Variants in THADA observed in about 807,000 individuals in gnomAD.
The protein encoded by THADA is tRNA (32-2'-O)-methyltransferase regulator THADA.
In THADA, 213 loss-of-function variants were observed where a neutral mutation model predicts 219.8. The observed-to-expected ratio is 0.97, with a 90% CI of 0.87 to 1.09. The LOEUF is 1.09. Among genes scored for constraint, THADA ranks in the 50% least tolerant of loss-of-function variants. The pLI is 0.00. For missense variants in THADA, 2,956 were observed against 2,311.3 expected (o/e 1.28, Z -5.72); for synonymous variants, 1,018 against 828.9 (o/e 1.23, Z -3.92).
At chr2:43,435,008 G>A (rs1459852094) in intron 26 of THADA, among the ~76,000 whole-genome samples, 1 of 152,200 alleles carries the variant, frequency 6.6e-6, no homozygotes, top group Non-Finnish European at 1.5e-5. Context: ...ACAGGTTTGA[G>A]CAGCTGGGCG....
At chr2:43,477,473 G>A (rs571881179) in intron 26 of THADA, among the ~76,000 whole-genome samples, 2 of 152,178 alleles carry the variant, frequency 1.3e-5, no homozygotes, top group East Asian at 1.9e-4. Context: ...ACTAGTATTC[G>A]TTAAAACATA....
At chr2:43,453,888 T>C (rs562731853) in intron 26 of THADA, among the ~76,000 whole-genome samples, 272 of 152,322 alleles carry the variant, frequency 1.8e-3, no homozygotes, top group African/African-American at 6.4e-3. Flanking sequence ...CAACATAGCA[T>C]GCACTTTCTA....
intron 10 of THADA, among the ~76,000 whole-genome samples, 196 bp downstream of exon 10, chr2:43,576,826 T>TA (rs1293494347): frequency 1.3e-5 from 2 of 152,134 alleles, no homozygotes; most frequent in African/African-American, 2.4e-5. Context: ...AGCTAAGTTT[T>TA]AAAAGTTTTG....
rs990800191 is a variant in THADA at position 43,295,975 on chromosome 2, A to G, written c.4439-2762T>C. ...CGCTCTGTCGCCCAGGCAGGAGTGC[A>G]GTGGTGCGATCTCGGCTCACTGCAA... On this transcript the variant is annotated intron_variant, in intron 31 of 37. Coordinates refer to ENST00000405975, the MANE Select transcript of THADA (RefSeq NM_022065.5). Among the ~76,000 whole-genome samples the G allele has an allele frequency of 2.8e-5, 4 of 144,842 alleles. No homozygotes were observed. In the East Asian group the frequency reaches 6.0e-4, roughly 22 times the overall value.
chr2:43,481,422 C>T (rs1423884431), intron 26 of THADA, among the ~76,000 whole-genome samples: 1 of 152,096 alleles, frequency 6.6e-6, no homozygotes, highest in Non-Finnish European at 1.5e-5. Context: ...AGAGATTGTA[C>T]TTAACACAGT....
intron 36 of THADA, among the ~76,000 whole-genome samples, chr2:43,273,064 CAT>C (rs1272766840): frequency 6.6e-6 from 1 of 151,980 alleles, no homozygotes; most frequent in Non-Finnish European, 1.5e-5. Flanking sequence ...GCCTGGGCAA[CAT>C]GTAGTAGCCC....
At chr2:43,346,329 G>C (rs1667622068) in intron 29 of THADA, among the ~76,000 whole-genome samples, 1 of 152,146 alleles carries the variant, frequency 6.6e-6, no homozygotes, top group East Asian at 1.9e-4. Context: ...AGAAAAATGA[G>C]ACCATCCTTT....
intron 30 of THADA, among the ~76,000 whole-genome samples, chr2:43,337,554 C>T (rs778218151): frequency 5.3e-5 from 8 of 152,286 alleles, no homozygotes; most frequent in African/African-American, 7.2e-5. Context: ...AGGTCTCTCA[C>T]GCACTGTTGG....
intron 25 of THADA, among the ~76,000 whole-genome samples, chr2:43,494,844 G>A (rs145321583): frequency 3.7e-4 from 57 of 152,258 alleles, no homozygotes; most frequent in African/African-American, 1.3e-3. Context: ...AAGTTTGAGA[G>A]ATCTGTATGG....
At chr2:43,409,306 T>G (rs2104754279) in intron 28 of THADA, among the ~76,000 whole-genome samples, 1 of 152,040 alleles carries the variant, frequency 6.6e-6, no homozygotes, top group South Asian at 2.1e-4. Flanking sequence ...AATGAATTTT[T>G]AAAAATAATA....
intron 29 of THADA, among the ~76,000 whole-genome samples, chr2:43,373,669 G>C (rs527949526): frequency 1.3e-5 from 2 of 152,200 alleles, no homozygotes; most frequent in Admixed American, 6.5e-5. Context: ...TAGAGATGGG[G>C]TTTCACCATG....
chr2:43,404,826 G>A (rs1675340092), intron 28 of THADA, among the ~76,000 whole-genome samples: 1 of 152,178 alleles, frequency 6.6e-6, no homozygotes, highest in African/African-American at 2.4e-5. Flanking sequence ...GTAAACCTAG[G>A]TTTGTACCTT....
intron 31 of THADA, among the ~76,000 whole-genome samples, chr2:43,303,405 A>G (rs2104413014): frequency 6.6e-6 from 1 of 152,276 alleles, no homozygotes; most frequent in Admixed American, 6.5e-5. Flanking sequence ...AGGATTTAAC[A>G]GTAGCACAGA....
chr2:43,414,352 G>A (rs561956646), intron 28 of THADA, among the ~76,000 whole-genome samples: 67 of 152,182 alleles, frequency 4.4e-4, no homozygotes, highest in Non-Finnish European at 7.8e-4. Flanking sequence ...GCCTTGATGC[G>A]TGGATATCTA....
At chr2:43,367,574 T>C (rs2104610723) in intron 29 of THADA, among the ~76,000 whole-genome samples, 1 of 152,326 alleles carries the variant, frequency 6.6e-6, no homozygotes, top group East Asian at 1.9e-4. Flanking sequence ...TTTTAATCCT[T>C]TATCAAAACA....
At chr2:43,343,423 G>A (rs569446372) in intron 30 of THADA, 7 of 152,250 alleles carry the variant, frequency 4.6e-5, no homozygotes, top group Admixed American at 3.9e-4. Context: ...CTACTCTGGT[G>A]GAACTTACAG....
Position 43,339,761 on chromosome 2 carries a change from A to G in THADA, c.4343+4361T>C, listed in dbSNP as rs926789596. On this transcript the variant is annotated intron_variant, in intron 30 of 37. Transcript: ENST00000405975. ...TAATTACAACTCTTAGCCAAAGTAA[A>G]TAAGCGATCTAGCTGGGACAGCTGA... 2.6e-5 allele frequency among the ~76,000 whole-genome samples: 4 copies of G among 152,180 alleles called. No individual in the cohort carries two copies. In the East Asian group the frequency reaches 7.7e-4, roughly 29 times the overall value.
chr2:43,354,085 G>C (rs2104567930), intron 29 of THADA, among the ~76,000 whole-genome samples: 1 of 152,134 alleles, frequency 6.6e-6, no homozygotes, highest in East Asian at 1.9e-4. Context: ...CCAAAGTGCT[G>C]GGATTACAGG....
At chr2:43,433,061 TA>T (rs1244489083) in intron 26 of THADA, among the ~76,000 whole-genome samples, 1 of 152,226 alleles carries the variant, frequency 6.6e-6, no homozygotes, top group Non-Finnish European at 1.5e-5. Context: ...AGATATCGTA[TA>T]TCTTCCTCTA....
Sources: gnomAD v4.1 joint callset for allele counts (sites outside exome capture counted in the v4.1 genomes callset) on GRCh38, gnomAD v4.1.1 for gene constraint, MANE v1.5 for transcripts, NCBI Gene and HGNC (gene_info 2026-07-23, HGNC 2026-07-21) for gene names.